EPB41L4B: variants seen among roughly 807,000 people sequenced by gnomAD.
EPB41L4B encodes the protein erythrocyte membrane protein band 4.1 like 4B.
Under a neutral mutation model 112.5 loss-of-function variants are expected in EPB41L4B, and 30 were observed. The observed-to-expected ratio is 0.27, with a 90% CI of 0.20 to 0.36. The LOEUF (loss-of-function observed/expected upper bound fraction) is 0.36. EPB41L4B is among the 10% of genes least tolerant of loss of function. The pLI is 1.00. For missense variants in EPB41L4B, 1,024 were observed against 1,133.3 expected (o/e 0.90, Z 1.38); for synonymous variants, 408 against 439.7 (o/e 0.93, Z 0.90).
intron 20 of EPB41L4B, among the ~76,000 whole-genome samples, chr9:109,197,955 T>A (rs1418480495): frequency 6.6e-6 from 1 of 152,090 alleles, no homozygotes. Flanking sequence ...ACATTTTGAG[T>A]TTCAAAATGT....
chr9:109,228,036 T>C (rs1164544564), intron 15 of EPB41L4B, among the ~76,000 whole-genome samples: 8 of 152,346 alleles, frequency 5.3e-5, no homozygotes, highest in African/African-American at 1.7e-4. Context: ...TTTCCAGTAG[T>C]TATTCCTAAT....
chr9:109,246,117 C>A (rs963837338), intron 14 of EPB41L4B, among the ~76,000 whole-genome samples: 1 of 152,276 alleles, frequency 6.6e-6, no homozygotes, highest in South Asian at 2.1e-4. Context: ...ATTCAAGAAC[C>A]CTGGCCGGGC....
chr9:109,239,338 T>C (rs1001769741), intron 15 of EPB41L4B, among the ~76,000 whole-genome samples: 9 of 152,056 alleles, frequency 5.9e-5, no homozygotes, highest in Non-Finnish European at 1.3e-4. Context: ...GGGAGGAGGG[T>C]AAAAGATGAT....
At chr9:109,221,301 C>T (rs558024432) in intron 15 of EPB41L4B, among the ~76,000 whole-genome samples, 3 of 152,236 alleles carry the variant, frequency 2.0e-5, no homozygotes, top group African/African-American at 4.8e-5. Context: ...TAGGATTTGA[C>T]GACAGGTCTG....
intron 11 of EPB41L4B, among the ~76,000 whole-genome samples, chr9:109,253,781 C>T (rs953233397): frequency 1.3e-5 from 2 of 152,168 alleles, no homozygotes; most frequent in Non-Finnish European, 2.9e-5. Flanking sequence ...GCAAAACCTG[C>T]AATTTAGGTA....
At position 109,174,386 on chromosome 9, in the gene EPB41L4B, A is replaced by G. The variant is rs1831733750; in HGVS notation, c.*168T>C. ...AACTCTAATGCTTAGGAGACATAAA[A>G]TAACTTTTCCCATAAAAGTCAAGCC... is the stretch of plus-strand genomic sequence containing the variant. On this transcript the variant is annotated 3_prime_UTR_variant, in exon 26 of 26. Coordinates refer to ENST00000374566, the MANE Select transcript of EPB41L4B (RefSeq NM_019114.5). The G allele has an allele frequency of 6.2e-6, 4 of 640,158 alleles. No homozygotes were observed. Among genetic ancestry groups the G allele is most frequent in the South Asian group, 1.8e-5 (1 of 54,788 alleles). The allele number at this position is 640,158 out of a possible 1,614,324, so 39.7% of individuals were successfully genotyped here. A position where few individuals can be genotyped will look rare whatever the true frequency, so the allele number is the denominator to read the frequency against.
chr9:109,174,785 G>C (rs1346045250), intron 25 of EPB41L4B, among the ~76,000 whole-genome samples, 162 bp from the exon 26 acceptor site: 1 of 152,084 alleles, frequency 6.6e-6, no homozygotes, highest in African/African-American at 2.4e-5. Flanking sequence ...TCAGTGATCT[G>C]AAATTGGCTA....
intron 14 of EPB41L4B, 39 bp downstream of exon 14, chr9:109,247,717 T>C (rs757861216): frequency 1.8e-5 from 24 of 1,328,752 alleles, no homozygotes; most frequent in Middle Eastern, 4.9e-4. Flanking sequence ...TTTTAAAATT[T>C]TCCTTCTTTA....
intron 6 of EPB41L4B, among the ~76,000 whole-genome samples, chr9:109,262,429 T>C (rs1025554460): frequency 6.9e-6 from 1 of 145,220 alleles, no homozygotes; most frequent in African/African-American, 2.6e-5. Flanking sequence ...GTACTGCCAA[T>C]GCTATTTCTT....
At chr9:109,232,132 C>T (rs1000283060) in intron 15 of EPB41L4B, among the ~76,000 whole-genome samples, 2 of 152,022 alleles carry the variant, frequency 1.3e-5, no homozygotes, top group African/African-American at 4.8e-5. Flanking sequence ...GCTGGGATTA[C>T]AGATGTGTGC....
intron 13 of EPB41L4B, 109 bp downstream of exon 13, chr9:109,251,372 A>G (rs1588172432): frequency 2.8e-6 from 3 of 1,059,662 alleles, no homozygotes; most frequent in South Asian, 2.6e-5. Context: ...GAAAAAAATT[A>G]CCAGATGACA....
chr9:109,298,727 C>A (rs1836835143), intron 1 of EPB41L4B, among the ~76,000 whole-genome samples: 1 of 152,186 alleles, frequency 6.6e-6, no homozygotes, highest in Admixed American at 6.5e-5. Context: ...GAACCAAACA[C>A]CTAGGTAACG....
intron 4 of EPB41L4B, among the ~76,000 whole-genome samples, chr9:109,266,212 A>T (rs925994902): frequency 1.3e-5 from 2 of 152,124 alleles, no homozygotes; most frequent in Admixed American, 1.3e-4. Flanking sequence ...TCTCTATTTT[A>T]AAAAATACAA....
chr9:109,179,333 C>T (rs1377706520), intron 24 of EPB41L4B, among the ~76,000 whole-genome samples: 2 of 152,188 alleles, frequency 1.3e-5, no homozygotes, highest in Admixed American at 6.5e-5. Context: ...CTGTCACTGT[C>T]GCCAGGATAG....
chr9:109,237,996 C>T (rs1834209627), intron 15 of EPB41L4B, among the ~76,000 whole-genome samples: 1 of 151,918 alleles, frequency 6.6e-6, no homozygotes, highest in African/African-American at 2.4e-5. Flanking sequence ...AGATATGGAT[C>T]CCCACGGTTG....
chr9:109,189,856 T>C (rs1832399548), intron 22 of EPB41L4B, among the ~76,000 whole-genome samples: 1 of 152,186 alleles, frequency 6.6e-6, no homozygotes, highest in South Asian at 2.1e-4. Context: ...CTTGAACTCC[T>C]GACCTCAGGT....
At chr9:109,262,453 G>GTA (rs869214861) in intron 6 of EPB41L4B, among the ~76,000 whole-genome samples, 2 of 144,942 alleles carry the variant, frequency 1.4e-5, no homozygotes, top group Non-Finnish European at 3.1e-5. Context: ...GTGTGTGGGG[G>GTA]TGTGTGTGTG....
chr9:109,210,585 A>C (rs1199593574), intron 17 of EPB41L4B, among the ~76,000 whole-genome samples: 1 of 152,264 alleles, frequency 6.6e-6, no homozygotes, highest in Non-Finnish European at 1.5e-5. Context: ...TTTTGGACAT[A>C]AAATTCAAGC....
chr9:109,282,010 T>G (rs189721166), intron 1 of EPB41L4B, among the ~76,000 whole-genome samples: 3 of 152,334 alleles, frequency 2.0e-5, no homozygotes, highest in Non-Finnish European at 2.9e-5. Context: ...AACTGATGAA[T>G]GGATCAACAA....
Sources: allele counts gnomAD v4.1 joint callset (sites outside exome capture counted in the v4.1 genomes callset), GRCh38; gene constraint gnomAD v4.1.1; transcripts MANE v1.5; gene names NCBI Gene and HGNC (gene_info 2026-07-23, HGNC 2026-07-21).